BET1: variants seen among roughly 807,000 people sequenced by gnomAD.
BET1 encodes the protein Bet1 golgi vesicular membrane trafficking protein.
BET1 carries 9 observed loss-of-function variants against 13.9 expected under a neutral mutation model. The observed-to-expected ratio is 0.65, with a 90% CI of 0.39 to 1.13. The LOEUF (loss-of-function observed/expected upper bound fraction) is 1.13, where lower values mean the gene tolerates loss of function less well. Ranked by LOEUF, BET1 falls within the 50% of genes most tolerant of loss-of-function variation. BET1 has a pLI of 0.01. For synonymous variants in BET1, 39 were observed against 47.3 expected (o/e 0.82, Z 0.72); for missense variants, 127 against 133.6 (o/e 0.95, Z 0.24).
intron 6 of BET1, among the ~76,000 whole-genome samples, chr7:93,968,159 T>C (rs1159369157): frequency 6.6e-6 from 1 of 151,824 alleles, no homozygotes; most frequent in African/African-American, 2.4e-5. Flanking sequence ...TTCTAAACAT[T>C]AGCAAACATA....
intron 1 of BET1, among the ~76,000 whole-genome samples, chr7:93,999,915 ATCCAC>A (rs1221153380): frequency 6.6e-6 from 1 of 152,146 alleles, no homozygotes; most frequent in Non-Finnish European, 1.5e-5. Flanking sequence ...CATGTATCAG[ATCCAC>A]TGTTCTTTCT....
chr7:93,969,583 A>C (rs1795227206), intron 6 of BET1: 1 of 151,306 alleles, frequency 6.6e-6, no homozygotes, highest in Non-Finnish European at 1.5e-5. Context: ...AGATTCATTT[A>C]TGACCTGCTT....
rs61634592 is a variant in BET1 at position 93,981,129 on chromosome 7, G to T, written c.236-5029C>A. Among the ~76,000 whole-genome samples, 1,961 of 152,150 alleles carry T rather than the reference G, an allele frequency of 0.013. 221 individuals are homozygous for T. In the East Asian group the frequency reaches 0.29, roughly 23 times the overall value. On this transcript the variant is annotated intron_variant and NMD_transcript_variant, in intron 4 of 6. Transcript: ENST00000357520. ...AGTATTTTATCTGTCATTTCTATGT[G>T]TTTGCTGTTGGGGGTGTTTCTACAC... is the stretch of plus-strand genomic sequence containing the variant.
chr7:94,004,169 C>T (rs779628827), intron 1 of BET1, 29 bp downstream of exon 1: 1 of 1,613,966 alleles, frequency 6.2e-7, no homozygotes, highest in Admixed American at 1.7e-5. Context: ...TCTAGGGCCC[C>T]GAACTTCGAA....
In BET1 at chr7:93,966,598, ATTCCTC is replaced by A. The variant is rs1584120521; in HGVS notation, c.*138-917_*138-912del. Among the ~76,000 whole-genome samples the A allele has an allele frequency of 2.0e-5, 3 of 148,474 alleles. No homozygotes were observed. The East Asian group carries it at 6.3e-4, about 31-fold the overall frequency. On this transcript the variant is annotated intron_variant and NMD_transcript_variant, in intron 6 of 6. Transcript: ENST00000357520. ...AAGTCTGACGGAGGTACCAGGAAAAATTCCTCTTTTTTTTTTTTTGGTGGGAGATAG... is the reference window on the plus strand; with the variant it reads ...AAGTCTGACGGAGGTACCAGGAAAAATTTTTTTTTTTTTGGTGGGAGATAG...
intron 3 of BET1, among the ~76,000 whole-genome samples, chr7:93,994,993 G>A (rs552987021): frequency 1.3e-5 from 2 of 152,168 alleles, no homozygotes; most frequent in African/African-American, 2.4e-5. Context: ...ACAGGCGCAC[G>A]CCACCACGCC....
At chr7:93,980,112 C>T (rs758378885) in intron 4 of BET1, among the ~76,000 whole-genome samples, 3 of 152,164 alleles carry the variant, frequency 2.0e-5, no homozygotes, top group Non-Finnish European at 4.4e-5. Flanking sequence ...AGATCTATAA[C>T]TTGTAAAGAG....
intron 4 of BET1, among the ~76,000 whole-genome samples, chr7:93,977,883 C>T (rs550562819): frequency 5.3e-5 from 8 of 152,224 alleles, no homozygotes; most frequent in South Asian, 2.1e-4. Context: ...TTCTTTGTGA[C>T]GGTTTCATTG....
intron 5 of BET1, among the ~76,000 whole-genome samples, chr7:93,973,007 C>A (rs1359319281): frequency 1.3e-5 from 2 of 151,778 alleles, no homozygotes; most frequent in African/African-American, 4.8e-5. Context: ...GTCTTTCCAA[C>A]TTTAAAACTA....
chr7:94,003,206 C>T (rs1271396877), intron 1 of BET1, among the ~76,000 whole-genome samples: 1 of 151,498 alleles, frequency 6.6e-6, no homozygotes, highest in African/African-American at 2.4e-5. Context: ...ATTTACCTGG[C>T]CCCATTTTCT....
At chr7:93,980,855 T>C (rs1301088945) in intron 4 of BET1, among the ~76,000 whole-genome samples, 1 of 152,198 alleles carries the variant, frequency 6.6e-6, no homozygotes, top group African/African-American at 2.4e-5. Flanking sequence ...TGATCTTATA[T>C]ATGTTGGAGT....
chr7:93,999,333 C>T (rs765124091), intron 1 of BET1, 39 bp from the exon 2 acceptor site: 3 of 1,564,530 alleles, frequency 1.9e-6, no homozygotes, highest in African/African-American at 2.7e-5. Context: ...TCTAGAGAAG[C>T]CACTTTTGAA....
At chr7:93,967,315 G>A (rs1734818045) in intron 6 of BET1, among the ~76,000 whole-genome samples, 1 of 151,738 alleles carries the variant, frequency 6.6e-6, no homozygotes, top group South Asian at 2.1e-4. Context: ...TTGATCCAAT[G>A]TGGTTTGGTG....
intron 6 of BET1, among the ~76,000 whole-genome samples, chr7:93,966,004 C>T (rs1309876225): frequency 6.6e-6 from 1 of 151,980 alleles, no homozygotes; most frequent in East Asian, 1.9e-4. Flanking sequence ...ACTAAGTACT[C>T]ATCTTATGAT....
At chr7:93,982,856 A>G (rs1181868507) in intron 4 of BET1, among the ~76,000 whole-genome samples, 1 of 152,196 alleles carries the variant, frequency 6.6e-6, no homozygotes, top group East Asian at 1.9e-4. Flanking sequence ...AATACTATCA[A>G]CACCTCTACA....
Position 94,004,347 on chromosome 7 carries a change from G to C in BET1, c.-131C>G. The C allele has an allele frequency of 8.0e-7, 1 of 1,246,504 alleles. No individual in the cohort carries two copies. 77.2% of individuals were successfully genotyped at this position (1,246,504 alleles called of 1,614,324 possible). On this transcript the variant is annotated 5_prime_UTR_variant, in exon 1 of 4. Coordinates refer to ENST00000222547, the MANE Select transcript of BET1 (RefSeq NM_005868.6). ...CCAACTTCTTCCCCTAAAGCGCCAC[G>C]ACATCAGTGGAGTCTAAACACCGCG...
chr7:93,998,551 T>G (rs943704754), intron 2 of BET1, among the ~76,000 whole-genome samples: 4 of 151,948 alleles, frequency 2.6e-5, no homozygotes, highest in Admixed American at 1.3e-4. Flanking sequence ...ATACAAAAAT[T>G]AGCCGGGTGT....
chr7:93,974,714 A>T (rs1295578275), intron 5 of BET1, among the ~76,000 whole-genome samples: 1 of 152,036 alleles, frequency 6.6e-6, no homozygotes, highest in African/African-American at 2.4e-5. Context: ...GAATGAGGGA[A>T]ATGGAAAATC....
At chr7:94,002,296 C>A (rs530518097) in intron 1 of BET1, among the ~76,000 whole-genome samples, 2 of 151,580 alleles carry the variant, frequency 1.3e-5, no homozygotes, top group Non-Finnish European at 1.5e-5. Context: ...TCACTATGAT[C>A]CCAAATTTAA....
Sources: allele counts gnomAD v4.1 joint callset (sites outside exome capture counted in the v4.1 genomes callset), GRCh38; gene constraint gnomAD v4.1.1; transcripts MANE v1.5; gene names NCBI Gene and HGNC (gene_info 2026-07-23, HGNC 2026-07-21).